The following TBC1D31 variants were observed in gnomAD, a reference collection of about 807,000 sequenced individuals.
The protein encoded by TBC1D31 is TBC1 domain family member 31, also known as WD repeat domain 67.
A neutral mutation model predicts 132.9 loss-of-function variants in TBC1D31; 99 were observed. The ratio of observed to expected loss-of-function variants is 0.74; its 90% CI spans 0.63 to 0.88. TBC1D31 has a LOEUF of 0.88. TBC1D31 is among the 40% of genes least tolerant of loss of function. The pLI, the probability that TBC1D31 is intolerant of heterozygous loss-of-function variation, is 0.00. For synonymous variants in TBC1D31, 385 were observed against 419.4 expected, an observed-to-expected ratio of 0.92 and a Z score of 1.00; for missense variants, 1,134 against 1,256.6, an observed-to-expected ratio of 0.90 and a Z score of 1.48.
chr8:123,095,006 T>C (rs1816715609), intron 5 of TBC1D31, among the ~76,000 whole-genome samples: 1 of 151,638 alleles, frequency 6.6e-6, no homozygotes, highest in Non-Finnish European at 1.5e-5. Flanking sequence ...TATATTCGTC[T>C]TTTTTTTTCC....
chr8:123,156,640 G>A (rs956688128), downstream of TBC1D31, among the ~76,000 whole-genome samples: 3 of 152,098 alleles, frequency 2.0e-5, no homozygotes, highest in African/African-American at 7.2e-5. Flanking sequence ...AGCAGCGTCT[G>A]TTTCAGATGC....
At chr8:123,156,530 A>C (rs1822994277), downstream of TBC1D31, among the ~76,000 whole-genome samples, 1 of 151,850 alleles carries the variant, frequency 6.6e-6, no homozygotes, top group South Asian at 2.1e-4. Context: ...GGTTATAGCT[A>C]TTCCATCATA....
chr8:123,111,788 T>G (rs1818466632), intron 10 of TBC1D31, among the ~76,000 whole-genome samples: 1 of 152,108 alleles, frequency 6.6e-6, no homozygotes, highest in Admixed American at 6.5e-5. Flanking sequence ...CCAAAATATC[T>G]TTTATAGTTC....
intron 4 of TBC1D31, among the ~76,000 whole-genome samples, chr8:123,092,566 C>G (rs1293253751): frequency 6.6e-6 from 1 of 152,152 alleles, no homozygotes; most frequent in Non-Finnish European, 1.5e-5. Context: ...CACTGTCATA[C>G]ACTGCCACGG....
At position 123,144,811 on chromosome 8, in the gene TBC1D31, A is replaced by G; in HGVS notation, c.2930A>G (p.Glu977Gly). 6.2e-7 allele frequency: 1 copy of G among 1,613,840 alleles called. No homozygotes were observed. Among genetic ancestry groups the G allele is most frequent in the Non-Finnish European group, 8.5e-7 (1 of 1,179,952 alleles). ...TCTAGAAAGTGGTTTTTAAAGCAAG[A>G]GATAAATGCGGCTGTAGAACATGCT... ...DASRKWFLKQEINAAVEHAEN... is the reference protein window; with the variant it reads ...DASRKWFLKQGINAAVEHAEN... Residue 977 changes from glutamate to glycine, a missense_variant, in exon 20 of 22, where the codon GAG becomes GGG. By Grantham distance (98) the Glu-to-Gly change is moderately conservative. Transcript: ENST00000287380.
At chr8:123,094,742 T>C (rs915604118) in intron 5 of TBC1D31, among the ~76,000 whole-genome samples, 5 of 151,932 alleles carry the variant, frequency 3.3e-5, no homozygotes, top group African/African-American at 9.7e-5. Context: ...GGTTTCACCA[T>C]GTTGGCCAGG....
At chr8:123,097,143 C>T in intron 5 of TBC1D31, 139 bp from the exon 6 acceptor site, 1 of 737,388 alleles carries the variant, frequency 1.4e-6, no homozygotes, top group Non-Finnish European at 2.1e-6. Flanking sequence ...TTCAAGTGCT[C>T]AATAATCACA....
chr8:123,080,456 CT>C (rs138852156), intron 2 of TBC1D31, among the ~76,000 whole-genome samples: 1,685 of 151,304 alleles, frequency 0.011, 25 homozygotes, highest in African/African-American at 0.039. Context: ...AGAGGGACCC[CT>C]TTGTAAATGT....
intron 4 of TBC1D31, among the ~76,000 whole-genome samples, chr8:123,088,831 T>G (rs1187405269): frequency 1.3e-5 from 2 of 152,198 alleles, no homozygotes; most frequent in Non-Finnish European, 2.9e-5. Context: ...TCTGGAGAGA[T>G]CAGACAGACC....
chr8:123,112,577 T>C (rs1051771210), intron 10 of TBC1D31, among the ~76,000 whole-genome samples: 1 of 152,232 alleles, frequency 6.6e-6, no homozygotes, highest in Non-Finnish European at 1.5e-5. Flanking sequence ...TTCATCTTTT[T>C]TTTATACCTG....
intron 6 of TBC1D31, among the ~76,000 whole-genome samples, chr8:123,099,050 C>T (rs1817102729): frequency 6.6e-6 from 1 of 152,222 alleles, no homozygotes; most frequent in African/African-American, 2.4e-5. Context: ...AGAACCTGCA[C>T]TTAGACAAGG....
chr8:123,099,149 T>C (rs1471646976), intron 6 of TBC1D31, among the ~76,000 whole-genome samples: 2 of 152,208 alleles, frequency 1.3e-5, no homozygotes, highest in African/African-American at 2.4e-5. Context: ...AGACGGAGTC[T>C]CGCTCTGTCA....
In TBC1D31 at chr8:123,082,825, G is replaced by A. The variant is rs780090721; in HGVS notation, c.340+8G>A. 16 of 1,571,874 alleles carry A rather than the reference G, an allele frequency of 1.0e-5. No homozygotes were observed. In the African/African-American group the frequency reaches 1.9e-4, roughly 19 times the overall value. ...TTAAATGTTTTGATACAGGTAAGAA[G>A]TTCTCCTATTTTTCTTTTGAAGCAG... On this transcript the variant is annotated splice_region_variant and intron_variant, in intron 3 of 21. Coordinates refer to ENST00000287380, the MANE Select transcript of TBC1D31 (RefSeq NM_145647.4).
At chr8:123,127,302 G>T (rs577626187) in intron 13 of TBC1D31, among the ~76,000 whole-genome samples, 1 of 108,028 alleles carries the variant, frequency 9.3e-6, no homozygotes, top group South Asian at 3.0e-4. Flanking sequence ...ACAGAGTCTC[G>T]CTCTGTTGCC....
Position 123,150,016 on chromosome 8 carries a change from TCTC to T in TBC1D31, c.2975-16_2975-14del. 1 of 1,589,152 alleles carries T rather than the reference TCTC, an allele frequency of 6.3e-7. No individual in the cohort carries two copies. Among genetic ancestry groups the T allele is most frequent in the Non-Finnish European group, 8.6e-7 (1 of 1,157,538 alleles). Reference sequence around the variant, plus strand: ...TACTCACTCCCAAACATCATCTTAATCTCCTCACTTTTATAACAGAAGAACCCA... The same window carrying T: ...TACTCACTCCCAAACATCATCTTAATCTCACTTTTATAACAGAAGAACCCA... On this transcript the variant is annotated splice_polypyrimidine_tract_variant and intron_variant, in intron 20 of 21. Transcript: ENST00000287380.
intron 10 of TBC1D31, 112 bp downstream of exon 10, chr8:123,109,732 G>A: frequency 1.0e-6 from 1 of 995,120 alleles, no homozygotes; most frequent in Non-Finnish European, 1.5e-6. Context: ...ATCCTTATGT[G>A]ATATGTTGGT....
At chr8:123,083,184 A>T (rs1010930761) in intron 3 of TBC1D31, 4 of 164,580 alleles carry the variant, frequency 2.4e-5, no homozygotes, top group African/African-American at 7.2e-5. Context: ...GTCCTCAGGG[A>T]TGCATTGCCC....
intron 19 of TBC1D31, 37 bp downstream of exon 19, chr8:123,142,493 A>G (rs775970554): frequency 1.5e-5 from 21 of 1,362,252 alleles, no homozygotes; most frequent in Non-Finnish European, 2.0e-5. Context: ...AATATCAAGC[A>G]TTGATTTTTT....
chr8:123,159,959 C>A, the TBC1D31 span, among the ~76,000 whole-genome samples: 1 of 152,328 alleles, frequency 6.6e-6, no homozygotes, highest in Non-Finnish European at 1.5e-5. Context: ...CTCCATAAAG[C>A]CTGCACCCAG....
Sources: gnomAD v4.1 joint callset for allele counts (sites outside exome capture counted in the v4.1 genomes callset) on GRCh38, gnomAD v4.1.1 for gene constraint, MANE v1.5 for transcripts, NCBI Gene and HGNC (gene_info 2026-07-23, HGNC 2026-07-21) for gene names.